Variants in SUZ12 observed in about 807,000 individuals in gnomAD.
SUZ12 encodes polycomb protein SUZ12.
Under a neutral mutation model 87.3 loss-of-function variants are expected in SUZ12, and 17 were observed. The ratio of observed to expected loss-of-function variants is 0.19; its 90% CI spans 0.13 to 0.29. The LOEUF (loss-of-function observed/expected upper bound fraction) is 0.29. SUZ12 is among the 10% of genes least tolerant of loss of function. The probability of loss-of-function intolerance (pLI) is 1.00; values close to 1 mark genes in which losing one functional copy is unlikely to be tolerated. For missense variants in SUZ12, 526 were observed against 912.2 expected (o/e 0.58, Z 5.45); for synonymous variants, 253 against 312.4 (o/e 0.81, Z 2.01).
chr17:31,972,755 A>C (rs558011028), intron 5 of SUZ12, among the ~76,000 whole-genome samples: 14,420 of 149,324 alleles, frequency 0.097, 968 homozygotes, highest in Middle Eastern at 0.14. Flanking sequence ...ATGGTGGCTC[A>C]CGCCTGTAAT....
intron 7 of SUZ12, among the ~76,000 whole-genome samples, 171 bp downstream of exon 7, chr17:31,975,884 G>A (rs1380099788): frequency 6.6e-6 from 1 of 152,136 alleles, no homozygotes; most frequent in Non-Finnish European, 1.5e-5. Context: ...AGGACAATGA[G>A]AAGTATTTTA....
intron 4 of SUZ12, among the ~76,000 whole-genome samples, chr17:31,951,371 T>C (rs1008771319): frequency 6.6e-6 from 1 of 152,222 alleles, no homozygotes; most frequent in African/African-American, 2.4e-5. Context: ...AAGAAGTTGG[T>C]GTTTCACGGT....
At chr17:31,994,240 A>T in intron 12 of SUZ12, 2 of 456,704 alleles carry the variant, frequency 4.4e-6, no homozygotes, top group Non-Finnish European at 7.6e-6. Context: ...GTTGACATAT[A>T]TTTGGAATTA....
chr17:31,994,510 G>T, intron 12 of SUZ12, 54 bp from the exon 13 acceptor site: 3 of 1,400,600 alleles, frequency 2.1e-6, no homozygotes, highest in South Asian at 1.6e-5. Context: ...TAAATTGGAG[G>T]GATATTTAGG....
chr17:31,993,106 G>A (rs1440098218), intron 10 of SUZ12, 136 bp from the exon 11 acceptor site: 3 of 567,726 alleles, frequency 5.3e-6, no homozygotes, highest in African/African-American at 2.0e-5. Context: ...ATCAGTTGAG[G>A]GAGATAACAG....
At chr17:31,973,028 C>T (rs1908529275) in intron 5 of SUZ12, 118 bp from the exon 6 acceptor site, 1 of 908,362 alleles carries the variant, frequency 1.1e-6, no homozygotes, top group Non-Finnish European at 1.6e-6. Context: ...AATGAGTGAA[C>T]TTTTGAGAAG....
chr17:31,951,666 C>A (rs7214178), intron 4 of SUZ12, among the ~76,000 whole-genome samples: 34 of 151,264 alleles, frequency 2.2e-4, no homozygotes, highest in Non-Finnish European at 4.3e-4. Context: ...TTAGTAGAGA[C>A]GGGGTTTCAC....
At chr17:31,988,635 C>T in intron 10 of SUZ12, 138 bp downstream of exon 10, 1 of 888,848 alleles carries the variant, frequency 1.1e-6, no homozygotes. Flanking sequence ...CTCTGTTGCC[C>T]AGGCAGGAGT....
intron 10 of SUZ12, 97 bp downstream of exon 10, chr17:31,988,594 C>CTTA: frequency 8.3e-7 from 1 of 1,202,044 alleles, no homozygotes; most frequent in Non-Finnish European, 1.1e-6. Context: ...TTATGTGATT[C>CTTA]TTCTTTTTTT....
In SUZ12 at chr17:31,945,401, CTT is replaced by C. The variant is rs201095335; in HGVS notation, c.387-2215_387-2214del. ...CTTTACTCTTTCTAGAAGTATTCAA[CTT>C]CTATAGGCTAACACTGCCCCAACAA... On this transcript the variant is annotated intron_variant, in intron 3 of 15. Coordinates refer to ENST00000322652, the MANE Select transcript of SUZ12 (RefSeq NM_015355.4). Among the ~76,000 whole-genome samples, 897 of 152,264 alleles carry C rather than the reference CTT, an allele frequency of 5.9e-3. 7 individuals carry two copies. The highest frequency in any genetic ancestry group is 0.021 in the African/African-American group (861 of 41,556).
chr17:31,979,367 A>T (rs1369634902), intron 8 of SUZ12, among the ~76,000 whole-genome samples: 1 of 152,188 alleles, frequency 6.6e-6, no homozygotes, highest in African/African-American at 2.4e-5. Flanking sequence ...TATGAGGAAA[A>T]TTAAAATACA....
intron 10 of SUZ12, among the ~76,000 whole-genome samples, chr17:31,990,656 C>T (rs921139243): frequency 1.3e-5 from 2 of 152,192 alleles, no homozygotes; most frequent in Non-Finnish European, 2.9e-5. Flanking sequence ...TGAGCCATCG[C>T]GCCCAGCCAG....
chr17:31,997,956 G>A (rs1398478329), intron 15 of SUZ12, among the ~76,000 whole-genome samples: 9 of 152,072 alleles, frequency 5.9e-5, no homozygotes, highest in Non-Finnish European at 1.0e-4. Flanking sequence ...GTATGTTCCC[G>A]GCTTGGTGTG....
intron 4 of SUZ12, among the ~76,000 whole-genome samples, chr17:31,954,835 A>G (rs886346428): frequency 3.9e-5 from 6 of 152,202 alleles, no homozygotes; most frequent in Non-Finnish European, 8.8e-5. Flanking sequence ...CATATAAAGC[A>G]TTTGATGCCA....
In SUZ12 at chr17:31,965,963, A is replaced by G. The variant is rs1320675354; in HGVS notation, c.456-184A>G. Reference sequence around the variant, plus strand: ...GTTGTTTATTTTTTGTTAGGTGTATAGACACACTTTTGGATGTCATATTTA... The same window carrying G: ...GTTGTTTATTTTTTGTTAGGTGTATGGACACACTTTTGGATGTCATATTTA... On this transcript the variant is annotated intron_variant, in intron 4 of 15. Transcript: ENST00000322652. 7.6e-6 allele frequency: 4 copies of G among 526,028 alleles called. No individual in the cohort carries two copies. In the Admixed American group the frequency reaches 1.5e-4, roughly 20 times the overall value. The allele number at this position is 526,028 out of a possible 1,614,324, so 32.6% of individuals were successfully genotyped here.
intron 8 of SUZ12, among the ~76,000 whole-genome samples, chr17:31,977,423 G>A (rs1908824317): frequency 6.6e-6 from 1 of 152,042 alleles, no homozygotes; most frequent in South Asian, 2.1e-4. Flanking sequence ...GGGACTACAG[G>A]TGCGTGCCAC....
At chr17:31,980,584 G>C (rs571374362) in intron 8 of SUZ12, among the ~76,000 whole-genome samples, 6 of 151,508 alleles carry the variant, frequency 4.0e-5, no homozygotes, top group South Asian at 4.2e-4. Flanking sequence ...CGAGTAGCTG[G>C]GATTAAGGCA....
chr17:31,999,249 A>C lies in SUZ12; in HGVS notation c.*246A>C. ...TTTAAGCATGAAAAGCAATATTTCA[A>C]AGTATTTTTAAACTCAACAAATGTC... On this transcript the variant is annotated 3_prime_UTR_variant, in exon 16 of 16. Coordinates refer to ENST00000322652, the MANE Select transcript of SUZ12 (RefSeq NM_015355.4). 3.3e-6 allele frequency: 1 copy of C among 306,616 alleles called. No homozygotes were observed. The highest frequency in any genetic ancestry group is 6.0e-6 in the Non-Finnish European group (1 of 167,862). 19.0% of individuals were successfully genotyped at this position (306,616 alleles called of 1,614,324 possible).
intron 8 of SUZ12, 118 bp from the exon 9 acceptor site, chr17:31,982,877 TTGGG>T: frequency 7.5e-7 from 1 of 1,327,042 alleles, no homozygotes; most frequent in Non-Finnish European, 1.0e-6. Context: ...TAAAATCTTG[TTGGG>T]TATGTAAGCT....
Sources: allele counts gnomAD v4.1 joint callset (sites outside exome capture counted in the v4.1 genomes callset), GRCh38; gene constraint gnomAD v4.1.1; transcripts MANE v1.5; gene names NCBI Gene and HGNC (gene_info 2026-07-23, HGNC 2026-07-21).